Variants in UNC13C observed in about 807,000 individuals in gnomAD.
UNC13C encodes the protein protein unc-13 homolog C.
Under a neutral mutation model 245.4 loss-of-function variants are expected in UNC13C, and 174 were observed. The observed-to-expected ratio is 0.71, with a 90% confidence interval of 0.63 to 0.80. The LOEUF (loss-of-function observed/expected upper bound fraction) is 0.80. Ranked by LOEUF, UNC13C falls within the 30% of genes least tolerant of loss-of-function variation. The pLI, the probability that UNC13C is intolerant of heterozygous loss-of-function variation, is 0.00. For missense variants in UNC13C, 2,829 were observed against 2,602.9 expected, an observed-to-expected ratio of 1.09 and a Z score of -1.89; for synonymous variants, 992 against 895.1, an observed-to-expected ratio of 1.11 and a Z score of -1.93.
At chr15:54,251,624 T>A (rs541139573) in intron 8 of UNC13C, among the ~76,000 whole-genome samples, 1 of 152,242 alleles carries the variant, frequency 6.6e-6, no homozygotes. Context: ...TTCACTACTT[T>A]ATTTATTTGG....
chr15:54,437,993 T>C (rs1285655862), intron 19 of UNC13C, among the ~76,000 whole-genome samples: 1 of 151,952 alleles, frequency 6.6e-6, no homozygotes, highest in East Asian at 1.9e-4. Flanking sequence ...TACATTTTTC[T>C]AGTTAGCAGG....
At chr15:54,105,920 A>C (rs1015730550) in intron 2 of UNC13C, among the ~76,000 whole-genome samples, 2 of 152,228 alleles carry the variant, frequency 1.3e-5, no homozygotes, top group African/African-American at 4.8e-5. Context: ...CTTTGAACAA[A>C]GGGAATGCAG....
intron 22 of UNC13C, among the ~76,000 whole-genome samples, chr15:54,503,090 C>G (rs1429514190): frequency 6.6e-6 from 1 of 152,054 alleles, no homozygotes; most frequent in South Asian, 2.1e-4. Context: ...AAAGAATCAG[C>G]TTCCATGTAT....
At chr15:53,909,621 C>T in the UNC13C span, among the ~76,000 whole-genome samples, 5 of 146,678 alleles carry the variant, frequency 3.4e-5, 1 homozygote, top group Non-Finnish European at 7.6e-5. Flanking sequence ...TGGTGCATGC[C>T]TGTAGTCCCA....
intron 25 of UNC13C, among the ~76,000 whole-genome samples, chr15:54,529,943 A>T (rs1329808908): frequency 1.3e-5 from 2 of 152,190 alleles, no homozygotes; most frequent in Admixed American, 6.5e-5. Flanking sequence ...TGATGCTAAC[A>T]GTCTCCAAGA....
At chr15:54,128,098 A>G (rs184066285) in intron 2 of UNC13C, among the ~76,000 whole-genome samples, 170 of 152,304 alleles carry the variant, frequency 1.1e-3, no homozygotes, top group Non-Finnish European at 2.1e-3. Context: ...TAAAAATGTC[A>G]GCAGCATTTC....
rs2036684804 is a variant in UNC13C at position 54,271,398 on chromosome 15, A to G, written c.3818+5902A>G. 2.6e-5 allele frequency among the ~76,000 whole-genome samples: 4 copies of G among 152,316 alleles called. No individual in the cohort carries two copies. The South Asian group carries it at 8.3e-4, about 32-fold the overall frequency. On this transcript the variant is annotated intron_variant, in intron 10 of 32. Transcript: ENST00000260323. ...ATAATTAATTATGACCTTCAATTTC[A>G]CTTTCCTTTGCTACTGTTAATGAAA...
At chr15:54,598,300 G>A (rs1427789005) in intron 30 of UNC13C, among the ~76,000 whole-genome samples, 1 of 152,162 alleles carries the variant, frequency 6.6e-6, no homozygotes, top group Non-Finnish European at 1.5e-5. Flanking sequence ...TCACCATGTT[G>A]GCCAGACTGG....
At chr15:54,046,256 A>G (rs1039396743) in intron 2 of UNC13C, among the ~76,000 whole-genome samples, 3 of 152,182 alleles carry the variant, frequency 2.0e-5, no homozygotes, top group Non-Finnish European at 2.9e-5. Context: ...GTGTCATCAG[A>G]GTAAATACCT....
At chr15:54,175,836 G>A (rs557733388) in intron 4 of UNC13C, among the ~76,000 whole-genome samples, 2 of 152,224 alleles carry the variant, frequency 1.3e-5, no homozygotes, top group Admixed American at 6.5e-5. Flanking sequence ...GTCATGTGGT[G>A]GCACACTGCA....
chr15:53,955,325 T>C, the UNC13C span, among the ~76,000 whole-genome samples: 2 of 150,504 alleles, frequency 1.3e-5, no homozygotes, highest in African/African-American at 4.9e-5. Context: ...GAAATCACAA[T>C]GGGAAAAGAA....
At chr15:54,307,803 A>G (rs1237906580) in intron 13 of UNC13C, among the ~76,000 whole-genome samples, 6 of 152,028 alleles carry the variant, frequency 3.9e-5, no homozygotes, top group East Asian at 3.9e-4. Context: ...AGCAACCCAT[A>G]GCATCTTTGA....
chr15:54,273,462 C>A (rs993682540), intron 10 of UNC13C, among the ~76,000 whole-genome samples: 1 of 152,132 alleles, frequency 6.6e-6, no homozygotes, highest in Admixed American at 6.5e-5. Flanking sequence ...TATATCATAG[C>A]CTTGGCCATG....
chr15:54,071,879 C>T (rs1462610174), intron 2 of UNC13C, among the ~76,000 whole-genome samples: 1 of 152,042 alleles, frequency 6.6e-6, no homozygotes, highest in Non-Finnish European at 1.5e-5. Context: ...GATTCCTGAC[C>T]CCTGGCCTGA....
rs1892462045 is a variant in UNC13C at position 54,471,541 on chromosome 15, T to C, written c.4934-23067T>C. The stretch of plus-strand genomic sequence containing the variant: ...TTCCCCTTTGGCTTTCTTTGCATGT[T>C]CTACCTTCTCCTATTCCTTCACTTT... On this transcript the variant is annotated intron_variant, in intron 19 of 32. Transcript: ENST00000260323. Among the ~76,000 whole-genome samples the C allele has an allele frequency of 2.6e-5, 4 of 151,766 alleles. No individual in the cohort carries two copies. The South Asian group carries it at 8.3e-4, about 31-fold the overall frequency.
chr15:54,488,710 C>A (rs1567321609), intron 19 of UNC13C, among the ~76,000 whole-genome samples: 1 of 152,120 alleles, frequency 6.6e-6, no homozygotes, highest in East Asian at 1.9e-4. Context: ...ATTGCCAAGC[C>A]TTTTCCTTGT....
chr15:54,252,491 T>C (rs1034833393), intron 8 of UNC13C, among the ~76,000 whole-genome samples: 2 of 152,264 alleles, frequency 1.3e-5, no homozygotes, highest in East Asian at 3.9e-4. Flanking sequence ...CCATTTTTAC[T>C]TTTTTCCTAA....
intron 1 of UNC13C, among the ~76,000 whole-genome samples, chr15:53,982,736 G>T (rs938910967): frequency 6.6e-6 from 1 of 152,122 alleles, no homozygotes; most frequent in Non-Finnish European, 1.5e-5. Context: ...GTCACCAATT[G>T]TCTGGGTGAA....
At chr15:54,598,364 G>A (rs1451792217) in intron 30 of UNC13C, among the ~76,000 whole-genome samples, 4 of 152,102 alleles carry the variant, frequency 2.6e-5, no homozygotes, top group Admixed American at 2.6e-4. Context: ...CAAAGTGCTG[G>A]GATTACCGGC....
Sources: gnomAD v4.1 joint callset for allele counts (sites outside exome capture counted in the v4.1 genomes callset) on GRCh38, gnomAD v4.1.1 for gene constraint, MANE v1.5 for transcripts, NCBI Gene and HGNC (gene_info 2026-07-23, HGNC 2026-07-21) for gene names.